MTCL1: variants seen among roughly 807,000 people sequenced by gnomAD.
The protein encoded by MTCL1 is microtubule cross-linking factor 1.
A neutral mutation model predicts 141.4 loss-of-function variants in MTCL1; 79 were observed. The observed-to-expected ratio is 0.56, with a 90% CI of 0.47 to 0.67. MTCL1 has a LOEUF of 0.67. Ranked by LOEUF, MTCL1 falls within the 30% of genes least tolerant of loss-of-function variation. The pLI, the probability that MTCL1 is intolerant of heterozygous loss-of-function variation, is 0.00. For synonymous variants in MTCL1, 914 were observed against 875.8 expected, an observed-to-expected ratio of 1.04 and a Z score of -0.77; for missense variants, 2,177 against 2,113.9, an observed-to-expected ratio of 1.03 and a Z score of -0.59.
At chr18:8,790,259 T>C (rs936340800) in intron 7 of MTCL1, among the ~76,000 whole-genome samples, 6 of 152,232 alleles carry the variant, frequency 3.9e-5, no homozygotes, top group African/African-American at 1.4e-4. Flanking sequence ...AACATATATA[T>C]TATTTATTAA....
At chr18:8,783,174 A>G (rs1373662792) in intron 5 of MTCL1, among the ~76,000 whole-genome samples, 1 of 151,920 alleles carries the variant, frequency 6.6e-6, no homozygotes, top group Non-Finnish European at 1.5e-5. Flanking sequence ...GAGAGCAAGG[A>G]GGGGTTGCGC....
intron 4 of MTCL1, among the ~76,000 whole-genome samples, chr18:8,767,756 GAAA>G (rs376600763): frequency 2.2e-5 from 3 of 136,270 alleles, no homozygotes; most frequent in Non-Finnish European, 4.8e-5. Flanking sequence ...TTTCTGATTT[GAAA>G]AAAAAAAAAA....
At chr18:8,803,439 C>G (rs1349688840) in intron 10 of MTCL1, among the ~76,000 whole-genome samples, 1 of 152,186 alleles carries the variant, frequency 6.6e-6, no homozygotes, top group Non-Finnish European at 1.5e-5. Context: ...CCATAGGAAG[C>G]ACCTATAATA....
At chr18:8,753,362 G>A (rs888000238) in intron 4 of MTCL1, among the ~76,000 whole-genome samples, 4 of 152,162 alleles carry the variant, frequency 2.6e-5, no homozygotes, top group African/African-American at 7.2e-5. Context: ...TGATTTTACT[G>A]TACTCACAAG....
At chr18:8,819,939 C>G (rs2076787422) in intron 13 of MTCL1, among the ~76,000 whole-genome samples, 1 of 152,056 alleles carries the variant, frequency 6.6e-6, no homozygotes. Flanking sequence ...ATAGTACAGT[C>G]TTCTGAGTCT....
intron 4 of MTCL1, among the ~76,000 whole-genome samples, chr18:8,726,897 G>A (rs1168153211): frequency 6.6e-6 from 1 of 152,116 alleles, no homozygotes; most frequent in African/African-American, 2.4e-5. Context: ...CCCACCACCC[G>A]AACGGTGACT....
chr18:8,816,915 A>C (rs1416453199), intron 12 of MTCL1, among the ~76,000 whole-genome samples: 2 of 152,184 alleles, frequency 1.3e-5, no homozygotes, highest in African/African-American at 4.8e-5. Flanking sequence ...GACTCGTTCT[A>C]TTACAACACC....
rs1425571560 is a variant in MTCL1 at position 8,828,112 on chromosome 18, G to C, written c.4723-796G>C. 1.3e-5 allele frequency among the ~76,000 whole-genome samples: 2 copies of C among 152,046 alleles called. No individual in the cohort carries two copies. Among genetic ancestry groups the C allele is most frequent in the Non-Finnish European group, 2.9e-5 (2 of 67,994 alleles). On this transcript the variant is annotated intron_variant, in intron 15 of 16. Coordinates refer to ENST00000359865, the Ensembl canonical transcript of MTCL1. This position sits in a 1 kb window ranked among gnomAD's most constrained non-coding sequence, Gnocchi z 5.2. ...TTCTGAATTGATGTAATATATTCAG[G>C]CCATTGCAACCCCTTCCCATTGCTC...
chr18:8,709,451 C>T (rs1424906967), intron 1 of MTCL1, among the ~76,000 whole-genome samples: 1 of 152,078 alleles, frequency 6.6e-6, no homozygotes, highest in Non-Finnish European at 1.5e-5. Context: ...TCCTTGCCCT[C>T]CCAAAGTGCT....
intron 2 of MTCL1, 64 bp from the exon 2 acceptor site, chr18:8,718,360 G>T: frequency 1.3e-6 from 2 of 1,489,648 alleles, no homozygotes; most frequent in Non-Finnish European, 1.9e-6. Flanking sequence ...GGGTATGAAG[G>T]AGAGACATGC....
exon 1 of MTCL1, chr18:8,706,308 C>T: frequency 8.1e-7 from 1 of 1,230,346 alleles, no homozygotes; most frequent in African/African-American, 1.6e-5. Flanking sequence ...CTGACTGCCC[C>T]TCCGAACCCC....
chr18:8,825,956 C>G, exon 15 of MTCL1: 1 of 1,598,380 alleles, frequency 6.3e-7, no homozygotes, highest in Non-Finnish European at 8.5e-7. Flanking sequence ...TGGGCCCAGG[C>G]CAGGAAACAG....
At chr18:8,714,841 G>A (rs2096117176), upstream of MTCL1, among the ~76,000 whole-genome samples, 1 of 151,724 alleles carries the variant, frequency 6.6e-6, no homozygotes, top group Admixed American at 6.6e-5. Flanking sequence ...CCATCGCCCA[G>A]GCTGGAGTGC....
chr18:8,706,641 C>G (rs769849062), exon 1 of MTCL1: 19 of 1,546,522 alleles, frequency 1.2e-5, no homozygotes, highest in Non-Finnish European at 1.7e-5. Context: ...AGTCTCGGCT[C>G]GTGCCAGCGG....
intron 16 of MTCL1, chr18:8,829,981 C>T (rs541131839): frequency 6.1e-6 from 6 of 985,466 alleles, no homozygotes; most frequent in East Asian, 1.1e-4. Flanking sequence ...ACCAGCCAGG[C>T]GGAACGGGAT....
At chr18:8,745,378 A>G (rs2096330817) in intron 4 of MTCL1, among the ~76,000 whole-genome samples, 1 of 152,178 alleles carries the variant, frequency 6.6e-6, no homozygotes, top group South Asian at 2.1e-4. Context: ...ATAAACCAAG[A>G]GACGGAGTCG....
chr18:8,829,244 C>T (rs1227408932), intron 16 of MTCL1: 2 of 985,338 alleles, frequency 2.0e-6, no homozygotes, highest in Admixed American at 1.2e-4. Context: ...AGCCAATATG[C>T]TTTCAGAGAA....
At chr18:8,816,660 G>A (rs2076665622) in intron 12 of MTCL1, among the ~76,000 whole-genome samples, 1 of 152,092 alleles carries the variant, frequency 6.6e-6, no homozygotes, top group Non-Finnish European at 1.5e-5. Flanking sequence ...TCTCCTTCCA[G>A]TAACTTTCTT....
At chr18:8,710,449 G>A (rs2096081268) in intron 1 of MTCL1, among the ~76,000 whole-genome samples, 1 of 141,924 alleles carries the variant, frequency 7.0e-6, no homozygotes, top group African/African-American at 2.6e-5. Context: ...ATAAAACCCA[G>A]GCACTTTCTT....
Sources: gnomAD v4.1 joint callset for allele counts (sites outside exome capture counted in the v4.1 genomes callset) on GRCh38, gnomAD v4.1.1 for gene constraint, Gnocchi (gnomAD v3.1) non-coding constraint, MANE v1.5 for transcripts, NCBI Gene and HGNC (gene_info 2026-07-23, HGNC 2026-07-21) for gene names.